Variants in AKAP19 observed in about 807,000 individuals in gnomAD.
The protein encoded by AKAP19 is A-kinase anchoring protein 19.
chr2:190,153,056 C>T, the AKAP19 span, among the ~76,000 whole-genome samples: 3 of 152,048 alleles, frequency 2.0e-5, no homozygotes, highest in Non-Finnish European at 4.4e-5. Context: ...CCACGACGCC[C>T]GGCTAATTTT....
the AKAP19 span, among the ~76,000 whole-genome samples, chr2:190,049,437 G>A: frequency 6.6e-6 from 1 of 152,114 alleles, no homozygotes; most frequent in Non-Finnish European, 1.5e-5. Flanking sequence ...ATGTAAATTG[G>A]CACAACTTCT....
At chr2:190,060,226 C>A in the AKAP19 span, 2 of 1,613,086 alleles carry the variant, frequency 1.2e-6, no homozygotes. Context: ...GGGTTCATGT[C>A]AAGTTTCAGA....
At chr2:190,120,019 A>G in the AKAP19 span, among the ~76,000 whole-genome samples, 1 of 152,168 alleles carries the variant, frequency 6.6e-6, no homozygotes, top group South Asian at 2.1e-4. Flanking sequence ...AATGGAAAAG[A>G]TGAAGCTGTC....
the AKAP19 span, among the ~76,000 whole-genome samples, chr2:190,141,935 T>A: frequency 6.6e-6 from 1 of 152,304 alleles, no homozygotes; most frequent in African/African-American, 2.4e-5. Context: ...GATTCTGGGA[T>A]TAGCAGGTGA....
the AKAP19 span, among the ~76,000 whole-genome samples, chr2:189,957,379 G>A: frequency 2.0e-5 from 3 of 152,108 alleles, no homozygotes; most frequent in African/African-American, 2.4e-5. Context: ...TTTTGCAGAT[G>A]TGTGCTTTGC....
the AKAP19 span, among the ~76,000 whole-genome samples, chr2:190,173,215 G>A: frequency 3.3e-5 from 5 of 152,182 alleles, no homozygotes; most frequent in Non-Finnish European, 7.3e-5. Flanking sequence ...TTATCTCTAA[G>A]TTAGAGTTAA....
the AKAP19 span, among the ~76,000 whole-genome samples, chr2:190,084,532 A>G: frequency 6.6e-6 from 1 of 152,286 alleles, no homozygotes; most frequent in South Asian, 2.1e-4. Flanking sequence ...AGGCTGTATT[A>G]TATAACTCTT....
the AKAP19 span, among the ~76,000 whole-genome samples, chr2:189,981,408 G>A: frequency 1.3e-5 from 2 of 151,916 alleles, no homozygotes; most frequent in Admixed American, 6.6e-5. Flanking sequence ...TTACATGTGA[G>A]ATGGATCTCT....
the AKAP19 span, among the ~76,000 whole-genome samples, chr2:190,075,796 C>T: frequency 6.6e-6 from 1 of 152,050 alleles, no homozygotes; most frequent in Non-Finnish European, 1.5e-5. Context: ...CTTATAACTT[C>T]TGCCTTTTGA....
chr2:190,004,235 G>A, the AKAP19 span, among the ~76,000 whole-genome samples: 2 of 151,876 alleles, frequency 1.3e-5, no homozygotes, highest in Admixed American at 6.6e-5. Context: ...TAACTAACCT[G>A]CACATTGTGC....
chr2:190,095,056 C>T, the AKAP19 span, among the ~76,000 whole-genome samples: 7 of 152,142 alleles, frequency 4.6e-5, no homozygotes, highest in African/African-American at 1.4e-4. Flanking sequence ...AACCCCATCT[C>T]TACTAAAAAT....
At chr2:190,084,090 G>GTT in the AKAP19 span, among the ~76,000 whole-genome samples, 62,400 of 131,894 alleles carry the variant, frequency 0.47, 16,539 homozygotes, top group South Asian at 0.7. Context: ...TAGAGCTCAG[G>GTT]TTTTTTTTTT....
the AKAP19 span, among the ~76,000 whole-genome samples, chr2:190,148,154 G>A: frequency 6.6e-6 from 1 of 152,100 alleles, no homozygotes; most frequent in East Asian, 1.9e-4. Flanking sequence ...TGTCATAGAT[G>A]GCTTTTATTA....
chr2:189,953,417 C>T, the AKAP19 span, among the ~76,000 whole-genome samples: 2 of 151,972 alleles, frequency 1.3e-5, no homozygotes, highest in Admixed American at 6.6e-5. Flanking sequence ...GGGCAGATCA[C>T]CTAGGTCAGG....
the AKAP19 span, among the ~76,000 whole-genome samples, chr2:189,969,438 A>G: frequency 2.6e-5 from 4 of 152,172 alleles, no homozygotes; most frequent in South Asian, 8.3e-4. Context: ...CACAGCTTGA[A>G]CAGACTAAGA....
the AKAP19 span, among the ~76,000 whole-genome samples, chr2:190,070,523 T>G: frequency 2.0e-5 from 3 of 151,888 alleles, no homozygotes; most frequent in South Asian, 6.3e-4. Context: ...AAGAACTACA[T>G]TACTTCTGCT....
At chr2:189,977,172 A>C in the AKAP19 span, among the ~76,000 whole-genome samples, 1 of 152,210 alleles carries the variant, frequency 6.6e-6, no homozygotes, top group African/African-American at 2.4e-5. Flanking sequence ...ATCCCACATT[A>C]GTATTTCATC....
the AKAP19 span, among the ~76,000 whole-genome samples, chr2:190,107,692 C>T: frequency 6.6e-6 from 1 of 151,988 alleles, no homozygotes; most frequent in Admixed American, 6.6e-5. Flanking sequence ...GAAATTAATG[C>T]CAGGGCACAG....
chr2:190,199,254 G>A, the AKAP19 span, among the ~76,000 whole-genome samples: 1 of 152,176 alleles, frequency 6.6e-6, no homozygotes, highest in African/African-American at 2.4e-5. Flanking sequence ...TTTAAGCTTT[G>A]TGGGCCACAT....
Sources: gnomAD v4.1 joint callset for allele counts (sites outside exome capture counted in the v4.1 genomes callset) on GRCh38, gnomAD v4.1.1 for gene constraint, MANE v1.5 for transcripts, NCBI Gene and HGNC (gene_info 2026-07-23, HGNC 2026-07-21) for gene names.